Variants in HMMR observed in about 807,000 individuals in gnomAD.
HMMR encodes the protein intracellular hyaluronic acid-binding protein.
A neutral mutation model predicts 101.0 loss-of-function variants in HMMR; 108 were observed. The ratio of observed to expected loss-of-function variants is 1.07; its 90% CI spans 0.92 to 1.25. HMMR has a LOEUF of 1.25. Ranked by LOEUF, HMMR falls within the 50% of genes most tolerant of loss-of-function variation. HMMR has a pLI of 0.00. For synonymous variants in HMMR, 296 were observed against 276.4 expected (o/e 1.07, Z -0.70); for missense variants, 813 against 788.7 (o/e 1.03, Z -0.37).
chr5:163,474,653 T>C, intron 10 of HMMR: 1 of 444,192 alleles, frequency 2.3e-6, no homozygotes, highest in South Asian at 1.6e-5. Context: ...AGTTCTGGCC[T>C]GTAAATATAG....
chr5:163,471,198 G>A lies in HMMR; in HGVS notation c.476G>A (p.Gly159Asp), dbSNP rs751953172. The A allele has an allele frequency of 1.9e-6, 3 of 1,604,160 alleles. No individual in the cohort carries two copies. Among genetic ancestry groups the A allele is most frequent in the Non-Finnish European group, 2.6e-6 (3 of 1,171,426 alleles). Residue 159 changes from glycine (G) to aspartate (D), a missense_variant, in exon 6 of 18, where the codon GGT becomes GAT. Gly to Asp is a moderately conservative substitution (Grantham distance 94, BLOSUM62 -1). Transcript: ENST00000393915. The part of the protein sequence containing the change: ...ELLKSKFSEN[G>D]NQKNLRILSL... ...TGTTGTATTTAGTTTTCTGAAAATG[G>A]TAACCAGAAGAATTTGAGAATTCTA...
At position 163,474,256 on chromosome 5, in the gene HMMR, C is replaced by T. The variant is rs1330729243; in HGVS notation, c.1053+51C>T. 2.9e-6 allele frequency: 4 copies of T among 1,396,508 alleles called. No individual in the cohort carries two copies. In the South Asian group the frequency reaches 3.7e-5, roughly 13 times the overall value. The allele number at this position is 1,396,508 out of a possible 1,614,324, so 86.5% of individuals were successfully genotyped here. A position where few individuals can be genotyped will look rare whatever the true frequency, so the allele number is the denominator to read the frequency against. On this transcript the variant is annotated intron_variant, in intron 10 of 17. Coordinates refer to ENST00000393915, the MANE Select transcript of HMMR (RefSeq NM_001142556.2). ...ACTGTTCATTTTGTGTCATACATTT[C>T]CCTATGTCTCTGAACACCTTTAAAT...
At chr5:163,477,100 A>T (rs1759092748) in intron 11 of HMMR, among the ~76,000 whole-genome samples, 1 of 152,122 alleles carries the variant, frequency 6.6e-6, no homozygotes, top group South Asian at 2.1e-4. Flanking sequence ...CTGCCACATT[A>T]TGTTTCCTTC....
At chr5:163,475,351 T>G (rs1759033292) in intron 10 of HMMR, 107 bp from the exon 11 acceptor site, 1 of 571,038 alleles carries the variant, frequency 1.8e-6, no homozygotes, top group Non-Finnish European at 3.1e-6. Flanking sequence ...TCCTTGAATC[T>G]GTTGAATTTA....
Position 163,484,171 on chromosome 5 carries a change from T to C in HMMR, c.1888T>C (p.Leu630=). The C allele has an allele frequency of 1.2e-6, 2 of 1,606,134 alleles. No individual in the cohort carries two copies. The highest frequency in any genetic ancestry group is 1.7e-4 in the Middle Eastern group (1 of 6,042). ...NKIRDSYAKL[L]GHQNLKQKIK... ...AATAAGAGATTCATATGCTAAATTA[T>C]TGGGTCATCAGAATTTGAAACAAAA... Residue 630 remains leucine, a synonymous_variant, in exon 16 of 18, where the codon TTG becomes CTG. Transcript: ENST00000393915.
chr5:163,475,203 A>T (rs892483816), intron 10 of HMMR, among the ~76,000 whole-genome samples: 4 of 151,880 alleles, frequency 2.6e-5, no homozygotes, highest in East Asian at 1.9e-4. Context: ...TATATATATA[A>T]AATATAATTT....
intron 12 of HMMR, among the ~76,000 whole-genome samples, chr5:163,481,927 T>A (rs1228015386): frequency 1.3e-5 from 2 of 152,184 alleles, no homozygotes; most frequent in Non-Finnish European, 2.9e-5. Flanking sequence ...TTTATTTGTT[T>A]ATTTTGAGTC....
chr5:163,483,432 G>T (rs299308), intron 15 of HMMR, 65 bp downstream of exon 15: 5 of 844,940 alleles, frequency 5.9e-6, no homozygotes, highest in Non-Finnish European at 9.7e-6. Flanking sequence ...CCCTATTATA[G>T]TGAGGACAGT....
At chr5:163,468,258 A>G (rs939194593) in intron 4 of HMMR, among the ~76,000 whole-genome samples, 5 of 152,192 alleles carry the variant, frequency 3.3e-5, no homozygotes, top group Non-Finnish European at 5.9e-5. Context: ...ACCACATGTG[A>G]TGATCTAAAT....
intron 6 of HMMR, 43 bp downstream of exon 6, chr5:163,471,314 G>A (rs770777678): frequency 2.5e-6 from 4 of 1,605,458 alleles, no homozygotes; most frequent in African/African-American, 1.3e-5. Context: ...TGGATCTGGG[G>A]ATCAGTACAA....
intron 12 of HMMR, among the ~76,000 whole-genome samples, chr5:163,480,840 T>A (rs1759228943): frequency 6.6e-6 from 1 of 152,178 alleles, no homozygotes; most frequent in Admixed American, 6.5e-5. Context: ...GTTTTCTTTA[T>A]CAGCCATATG....
chr5:163,479,043 G>A (rs1242305825), intron 12 of HMMR, among the ~76,000 whole-genome samples: 1 of 152,088 alleles, frequency 6.6e-6, no homozygotes, highest in African/African-American at 2.4e-5. Flanking sequence ...TATGTGCTGA[G>A]CCAGGTGCGG....
intron 16 of HMMR, among the ~76,000 whole-genome samples, chr5:163,488,100 C>T (rs1178703063): frequency 6.6e-6 from 1 of 152,206 alleles, no homozygotes; most frequent in East Asian, 1.9e-4. Flanking sequence ...AAGGAATCTA[C>T]CAGCTTTGGC....
intron 4 of HMMR, among the ~76,000 whole-genome samples, chr5:163,469,213 A>C (rs1027924942): frequency 6.6e-6 from 1 of 150,842 alleles, no homozygotes; most frequent in African/African-American, 2.4e-5. Context: ...AAATACAAAA[A>C]ATTAGCCGGG....
chr5:163,464,805 G>T lies in HMMR; in HGVS notation c.225+3G>T. ...AAGTTAAGTCTTCGGAATCAAAGGT[G>T]AGGAGCTTTTATATGCCAGCTGGTT... On this transcript the variant is annotated splice_donor_region_variant and intron_variant, in intron 3 of 17. Coordinates refer to ENST00000393915, the MANE Select transcript of HMMR (RefSeq NM_001142556.2). 6.3e-7 allele frequency: 1 copy of T among 1,593,624 alleles called. No individual in the cohort carries two copies. Among genetic ancestry groups the T allele is most frequent in the Non-Finnish European group, 8.6e-7 (1 of 1,161,986 alleles).
intron 16 of HMMR, among the ~76,000 whole-genome samples, chr5:163,490,148 T>C (rs1394179789): frequency 1.3e-5 from 2 of 152,222 alleles, no homozygotes; most frequent in African/African-American, 2.4e-5. Context: ...GTTGAACTTT[T>C]ATCAGAAAAA....
intron 12 of HMMR, among the ~76,000 whole-genome samples, chr5:163,480,217 CT>C (rs1390323687): frequency 4.6e-5 from 7 of 152,276 alleles, no homozygotes; most frequent in South Asian, 2.1e-4. Flanking sequence ...TATTTCCTTG[CT>C]TTTTCCCCCC....
chr5:163,479,317 C>A (rs1759177980), intron 12 of HMMR, among the ~76,000 whole-genome samples: 1 of 152,104 alleles, frequency 6.6e-6, no homozygotes, highest in South Asian at 2.1e-4. Flanking sequence ...TAATTTGAAA[C>A]CTTTTTACTG....
At chr5:163,482,214 G>A (rs573858961) in intron 12 of HMMR, among the ~76,000 whole-genome samples, 1 of 152,330 alleles carries the variant, frequency 6.6e-6, no homozygotes, top group African/African-American at 2.4e-5. Flanking sequence ...ACCACGCCCA[G>A]CCTACTTGGA....
Sources: gnomAD v4.1 joint callset for allele counts (sites outside exome capture counted in the v4.1 genomes callset) on GRCh38, gnomAD v4.1.1 for gene constraint, MANE v1.5 for transcripts, NCBI Gene and HGNC (gene_info 2026-07-23, HGNC 2026-07-21) for gene names.